The following LEPR variants were observed in gnomAD, a reference collection of about 807,000 sequenced individuals.
LEPR encodes OB receptor.
A neutral mutation model predicts 114.7 loss-of-function variants in LEPR; 56 were observed. That is an observed-to-expected ratio of 0.49 (90% CI 0.39 to 0.61). The LOEUF (loss-of-function observed/expected upper bound fraction) is 0.61. Ranked by LOEUF, LEPR falls within the 20% of genes least tolerant of loss-of-function variation. The pLI is 0.00. For missense variants in LEPR, 1,202 were observed against 1,352.9 expected, an observed-to-expected ratio of 0.89 and a Z score of 1.75; for synonymous variants, 443 against 461.4, an observed-to-expected ratio of 0.96 and a Z score of 0.51.
intron 1 of LEPR, among the ~76,000 whole-genome samples, chr1:65,423,849 T>C (rs1366300024): frequency 6.6e-6 from 1 of 152,252 alleles, no homozygotes; most frequent in Non-Finnish European, 1.5e-5. Flanking sequence ...GATAGTCTCC[T>C]ATGCTTTTGA....
intron 2 of LEPR, among the ~76,000 whole-genome samples, chr1:65,451,910 G>A (rs1187784176): frequency 6.6e-6 from 1 of 151,734 alleles, no homozygotes; most frequent in Non-Finnish European, 1.5e-5. Context: ...CTACCCATGA[G>A]CATGGAATGT....
intron 2 of LEPR, among the ~76,000 whole-genome samples, chr1:65,426,368 C>T (rs1034298693): frequency 2.6e-5 from 4 of 151,958 alleles, no homozygotes; most frequent in African/African-American, 7.3e-5. Context: ...ATATGCCTGC[C>T]GTGTAGAGGA....
chr1:65,512,737 C>G (rs1294897733), intron 2 of LEPR, among the ~76,000 whole-genome samples: 2 of 152,078 alleles, frequency 1.3e-5, no homozygotes, highest in Non-Finnish European at 2.9e-5. Context: ...TCCCGTGTCC[C>G]TTGCTTAAAA....
intron 2 of LEPR, among the ~76,000 whole-genome samples, chr1:65,463,684 C>T (rs139798668): frequency 6.6e-6 from 1 of 152,066 alleles, no homozygotes; most frequent in African/African-American, 2.4e-5. Context: ...TTGTTTGTGT[C>T]CTCTTTTATT....
chr1:65,622,411 G>A (rs759440767), intron 18 of LEPR, among the ~76,000 whole-genome samples: 1 of 151,656 alleles, frequency 6.6e-6, no homozygotes, highest in Non-Finnish European at 1.5e-5. Context: ...CCTGAGTTCC[G>A]TGGATGGTGG....
chr1:65,437,836 G>C (rs1434302291), intron 2 of LEPR, among the ~76,000 whole-genome samples: 1 of 151,724 alleles, frequency 6.6e-6, no homozygotes, highest in Non-Finnish European at 1.5e-5. Flanking sequence ...TGGATTTTAG[G>C]GTCTCCTTCT....
At chr1:65,596,255 G>T (rs990913698) in intron 6 of LEPR, among the ~76,000 whole-genome samples, 193 bp from the exon 7 acceptor site, 1 of 152,056 alleles carries the variant, frequency 6.6e-6, no homozygotes, top group South Asian at 2.1e-4. Context: ...TACATGGATT[G>T]CTATGATAAG....
At chr1:65,488,030 T>C (rs1259864830) in intron 2 of LEPR, among the ~76,000 whole-genome samples, 2 of 150,744 alleles carry the variant, frequency 1.3e-5, no homozygotes, top group Non-Finnish European at 3.0e-5. Flanking sequence ...TTCTCTTTCT[T>C]TCTTTGTTTC....
In LEPR at chr1:65,444,033, T is replaced by G. The variant is rs564252240; in HGVS notation, c.-21+18655T>G. On this transcript the variant is annotated intron_variant, in intron 2 of 19. Coordinates refer to ENST00000349533, the MANE Select transcript of LEPR (RefSeq NM_002303.6). ...CAGGTTAGTTACATATGTATACATG[T>G]GCCATGCTGGTGCGCTGCACCCACT... is the stretch of plus-strand genomic sequence containing the variant. Among the ~76,000 whole-genome samples, 171 of 33,486 alleles carry G rather than the reference T, an allele frequency of 5.1e-3. 47 individuals are homozygous for G. Among genetic ancestry groups the G allele is most frequent in the African/African-American group, 0.015 (166 of 10,904 alleles). 22.0% of individuals were successfully genotyped at this position (33,486 alleles called of 152,430 possible).
At chr1:65,468,398 G>A (rs1047932827) in intron 2 of LEPR, among the ~76,000 whole-genome samples, 1 of 152,132 alleles carries the variant, frequency 6.6e-6, no homozygotes, top group Non-Finnish European at 1.5e-5. Context: ...CTGGGTATGT[G>A]GTATAGTTAT....
chr1:65,466,176 T>C (rs920342852), intron 2 of LEPR, among the ~76,000 whole-genome samples: 5 of 152,208 alleles, frequency 3.3e-5, no homozygotes, highest in Non-Finnish European at 7.3e-5. Flanking sequence ...GTTGTTCCAT[T>C]CCATGTTTAG....
At chr1:65,437,443 A>T (rs1646579110) in intron 2 of LEPR, among the ~76,000 whole-genome samples, 1 of 152,044 alleles carries the variant, frequency 6.6e-6, no homozygotes, top group Admixed American at 6.5e-5. Context: ...AGACATAAAA[A>T]GGAATGAAGT....
chr1:65,460,072 A>G (rs961848770), intron 2 of LEPR, among the ~76,000 whole-genome samples: 2 of 128,114 alleles, frequency 1.6e-5, no homozygotes, highest in African/African-American at 3.0e-5. Context: ...TTTTTTTTTT[A>G]CTATGTTCTT....
At chr1:65,482,987 C>CA (rs1190386900) in intron 2 of LEPR, among the ~76,000 whole-genome samples, 3,538 of 62,888 alleles carry the variant, frequency 0.056, 133 homozygotes, top group African/African-American at 0.15. Flanking sequence ...GACTCTGTCT[C>CA]AAAAAAAAAA....
intron 3 of LEPR, among the ~76,000 whole-genome samples, chr1:65,565,932 A>G (rs1421475811): frequency 6.6e-6 from 1 of 151,970 alleles, no homozygotes; most frequent in Non-Finnish European, 1.5e-5. Flanking sequence ...CAAAAATAGC[A>G]CTGGTCTGTA....
intron 1 of LEPR, among the ~76,000 whole-genome samples, chr1:65,422,803 T>C (rs1468280506): frequency 6.6e-6 from 1 of 151,896 alleles, no homozygotes; most frequent in Non-Finnish European, 1.5e-5. Context: ...CAGTTAGGAG[T>C]GAGTCAGGCG....
Position 65,425,348 on chromosome 1 carries a change from T to C in LEPR, c.-51T>C. On this transcript the variant is annotated 5_prime_UTR_variant, in exon 2 of 20. Coordinates refer to ENST00000349533, the MANE Select transcript of LEPR (RefSeq NM_002303.6). ...AGTGGGGCTATTGGACTGACTTTTCTTATGCTGGGATGTGCCTTAGAGGAT... is the reference window on the plus strand; with the variant it reads ...AGTGGGGCTATTGGACTGACTTTTCCTATGCTGGGATGTGCCTTAGAGGAT... The C allele has an allele frequency of 6.2e-7, 1 of 1,607,062 alleles. No individual in the cohort carries two copies. The highest frequency in any genetic ancestry group is 8.5e-7 in the Non-Finnish European group (1 of 1,178,530).
intron 8 of LEPR, among the ~76,000 whole-genome samples, chr1:65,600,634 T>C (rs1656385483): frequency 6.6e-6 from 1 of 152,076 alleles, no homozygotes; most frequent in Admixed American, 6.6e-5. Context: ...TAAACCATCA[T>C]TTACTTGTAT....
Position 65,633,661 on chromosome 1 carries a change from A to G in LEPR, c.2674-2530A>G. The G allele has an allele frequency of 1.0e-6, 1 of 986,112 alleles. No homozygotes were observed. Among genetic ancestry groups the G allele is most frequent in the Non-Finnish European group, 1.2e-6 (1 of 830,424 alleles). The allele number at this position is 986,112 out of a possible 1,614,324, so 61.1% of individuals were successfully genotyped here. On this transcript the variant is annotated intron_variant, in intron 19 of 19. Transcript: ENST00000349533. This position sits in a 1 kb window ranked among gnomAD's most constrained non-coding sequence, Gnocchi z 4.1. ...TGTATTTTTATGTCCAAACTTTTCC[A>G]TTTTAGATTCCTTTATAGACACGTC...
Sources: allele counts gnomAD v4.1 joint callset (sites outside exome capture counted in the v4.1 genomes callset), GRCh38; gene constraint gnomAD v4.1.1; non-coding constraint Gnocchi (gnomAD v3.1); transcripts MANE v1.5; gene names NCBI Gene and HGNC (gene_info 2026-07-23, HGNC 2026-07-21).